DNMBP: variants seen among roughly 807,000 people sequenced by gnomAD.
DNMBP encodes the protein dynamin binding protein.
In DNMBP, 87 loss-of-function variants were observed where a neutral mutation model predicts 150.0. That is an observed-to-expected ratio of 0.58 (90% CI 0.49 to 0.69). The LOEUF is 0.69. Among genes scored for constraint, DNMBP ranks in the 30% least tolerant of loss-of-function variants. The pLI is 0.00. For missense variants in DNMBP, 1,774 were observed against 1,949.0 expected (o/e 0.91, Z 1.69); for synonymous variants, 711 against 750.4 (o/e 0.95, Z 0.86).
At chr10:99,973,675 G>A (rs1002236794) in intron 1 of DNMBP, among the ~76,000 whole-genome samples, 1 of 152,128 alleles carries the variant, frequency 6.6e-6, no homozygotes, top group African/African-American at 2.4e-5. Flanking sequence ...ATGCCTCAAA[G>A]GCCTAGATGG....
intron 4 of DNMBP, among the ~76,000 whole-genome samples, chr10:99,921,865 A>G (rs562597991): frequency 2.8e-3 from 158 of 55,584 alleles, no homozygotes; most frequent in African/African-American, 8.0e-3. Flanking sequence ...ATTCCATCTG[A>G]AAAAAAAAAA....
intron 4 of DNMBP, among the ~76,000 whole-genome samples, chr10:99,928,846 AAAAATT>A (rs1300967233): frequency 5.3e-5 from 8 of 152,226 alleles, no homozygotes; most frequent in Admixed American, 3.3e-4. Context: ...GGTAAAAAAA[AAAAATT>A]AAAATGAAGG....
intron 1 of DNMBP, among the ~76,000 whole-genome samples, chr10:100,007,073 C>T (rs1484092735): frequency 6.6e-6 from 1 of 151,952 alleles, no homozygotes; most frequent in East Asian, 1.9e-4. Context: ...TGTGATCACG[C>T]CACTGCACTC....
chr10:99,957,188 C>T lies in DNMBP; in HGVS notation c.286G>A (p.Asp96Asn), dbSNP rs1332627446. The T allele has an allele frequency of 1.2e-6, 2 of 1,603,118 alleles. No individual in the cohort carries two copies. The highest frequency in any genetic ancestry group is 1.7e-6 in the Non-Finnish European group (2 of 1,179,376). The change falls in exon 4 of 17, where the codon GAT (aspartate) becomes AAT (asparagine). Residue 96 changes from aspartate (D) to asparagine (N), a missense_variant. Coordinates refer to ENST00000324109, the MANE Select transcript of DNMBP (RefSeq NM_015221.4). ...AGCCAGCCTGCAGTGGGAATGCCAT[C>T]GAGAATCACCAGGTCACCTAAAGAA... ...PLHRGDLVIL[D>N]GIPTAGWLQG...
chr10:100,004,084 A>AG (rs2041043955), intron 1 of DNMBP, among the ~76,000 whole-genome samples: 1 of 150,554 alleles, frequency 6.6e-6, no homozygotes, highest in African/African-American at 2.4e-5. Flanking sequence ...TTACAAAAAA[A>AG]AAAAAGAAAA....
intron 16 of DNMBP, among the ~76,000 whole-genome samples, chr10:99,879,207 G>C (rs1453920802): frequency 6.6e-6 from 1 of 152,136 alleles, no homozygotes. Flanking sequence ...GCTCACGCCT[G>C]TAATCCCAGC....
chr10:99,890,352 A>AT (rs1213393852), intron 11 of DNMBP, among the ~76,000 whole-genome samples: 1 of 152,130 alleles, frequency 6.6e-6, no homozygotes, highest in African/African-American at 2.4e-5. Flanking sequence ...CAGGCTTTTC[A>AT]TTTTGTGGCA....
At chr10:99,959,797 G>A (rs2040542763) in intron 3 of DNMBP, among the ~76,000 whole-genome samples, 1 of 151,456 alleles carries the variant, frequency 6.6e-6, no homozygotes, top group South Asian at 2.1e-4. Flanking sequence ...TGAGCCTGCA[G>A]TGAGCTATGA....
chr10:99,938,698 C>T (rs1436825554), intron 4 of DNMBP, among the ~76,000 whole-genome samples: 1 of 152,194 alleles, frequency 6.6e-6, no homozygotes, highest in Non-Finnish European at 1.5e-5. Context: ...AGCTTTATCT[C>T]CACACTACTA....
intron 1 of DNMBP, among the ~76,000 whole-genome samples, chr10:99,997,010 T>C (rs2040958263): frequency 6.6e-6 from 1 of 152,158 alleles, no homozygotes; most frequent in Non-Finnish European, 1.5e-5. Flanking sequence ...TTGAAAAACA[T>C]GGATGAGTGT....
intron 15 of DNMBP, among the ~76,000 whole-genome samples, chr10:99,881,478 G>A (rs975454367): frequency 2.0e-5 from 3 of 152,324 alleles, no homozygotes; most frequent in Admixed American, 6.5e-5. Flanking sequence ...GCATCCACGT[G>A]ACAATTTTTC....
chr10:99,931,637 G>A (rs894599804), intron 4 of DNMBP, among the ~76,000 whole-genome samples: 1 of 152,124 alleles, frequency 6.6e-6, no homozygotes, highest in Non-Finnish European at 1.5e-5. Context: ...TATTTAAGAA[G>A]TCGAAAATGA....
chr10:99,885,719 G>A lies in DNMBP; in HGVS notation c.3766C>T (p.Arg1256Cys), dbSNP rs1299200147. The change falls in exon 14 of 17, where the codon CGC becomes TGC. Residue 1256 changes from arginine to cysteine, a missense_variant. Around this residue, in one of 2 missense-constraint regions of DNMBP, gnomAD observed 1,430 missense variants for 1,492.5 expected, o/e 0.96. Coordinates refer to ENST00000324109, the MANE Select transcript of DNMBP (RefSeq NM_015221.4). ...AGGAGTGGCTTTCGAGCAGACTGGC[G>A]GTCAATGGTTTTCCTCTCAAATGGC... ...KKPFERKTID[R>C]QSARKPLLGL... 2.1e-5 allele frequency: 34 copies of A among 1,584,002 alleles called. No homozygotes were observed. The highest frequency in any genetic ancestry group is 5.3e-5 in the Admixed American group (3 of 56,144).
chr10:99,895,177 A>C, intron 10 of DNMBP, 127 bp from the exon 11 acceptor site: 1 of 575,376 alleles, frequency 1.7e-6, no homozygotes, highest in East Asian at 2.9e-5. Context: ...TCCAGGTTGG[A>C]GTGCAATGGC....
intron 1 of DNMBP, among the ~76,000 whole-genome samples, chr10:100,001,469 T>C (rs2041012415): frequency 7.1e-6 from 1 of 141,426 alleles, no homozygotes; most frequent in Admixed American, 7.5e-5. Flanking sequence ...TGGAGTGCAG[T>C]GGTGCAAGCA....
At chr10:99,929,054 G>GGAT (rs2133281426) in intron 4 of DNMBP, among the ~76,000 whole-genome samples, 2 of 152,246 alleles carry the variant, frequency 1.3e-5, no homozygotes, top group South Asian at 4.1e-4. Context: ...TAAAGTGGGA[G>GGAT]GATCTCTTGA....
chr10:99,888,195 GT>G (rs111791997), intron 12 of DNMBP, among the ~76,000 whole-genome samples: 2 of 139,754 alleles, frequency 1.4e-5, no homozygotes, highest in South Asian at 2.3e-4. Flanking sequence ...TGTCTTCAAG[GT>G]TTTTTTTTTG....
At chr10:99,878,251 C>G (rs1487202766) in intron 16 of DNMBP, among the ~76,000 whole-genome samples, 1 of 152,176 alleles carries the variant, frequency 6.6e-6, no homozygotes, top group Non-Finnish European at 1.5e-5. Context: ...ATGCCACAAA[C>G]AAAGATCTCA....
chr10:99,955,534 A>C lies in DNMBP; in HGVS notation c.1940T>G (p.Leu647Arg). The C allele has an allele frequency of 6.3e-7, 1 of 1,597,074 alleles. No individual in the cohort carries two copies. The highest frequency in any genetic ancestry group is 1.8e-5 in the Admixed American group (1 of 56,910). The change falls in exon 4 of 17, where the codon CTG (leucine) becomes CGG (arginine). Residue 647 changes from leucine to arginine, a missense_variant. Physicochemically the swap from Leu to Arg is moderately radical, Grantham distance 102 (BLOSUM62 -2). Around this residue, in one of 2 missense-constraint regions of DNMBP, gnomAD observed 1,430 missense variants for 1,492.5 expected, o/e 0.96. Transcript: ENST00000324109. ...LVVRPSRPAP[L>R]PPSAQQRTNA... Reference sequence around the variant, plus strand: ...CGTTCTCTGCTGTGCTGAGGGAGGCAGGGGAGCTGGGCGAGAGGGTCGCAC... The same window carrying C: ...CGTTCTCTGCTGTGCTGAGGGAGGCCGGGGAGCTGGGCGAGAGGGTCGCAC...
Sources: allele counts gnomAD v4.1 joint callset (sites outside exome capture counted in the v4.1 genomes callset), GRCh38; gene constraint gnomAD v4.1.1; regional missense constraint gnomAD v4.1.1; transcripts MANE v1.5; gene names NCBI Gene and HGNC (gene_info 2026-07-23, HGNC 2026-07-21).